Variants in FTCD observed in about 807,000 individuals in gnomAD.
FTCD encodes the protein formimidoyltransferase cyclodeaminase.
A neutral mutation model predicts 62.9 loss-of-function variants in FTCD; 76 were observed. The ratio of observed to expected loss-of-function variants is 1.21; its 90% CI spans 1.00 to 1.46. FTCD has a LOEUF of 1.46. Among genes scored for constraint, FTCD ranks in the 40% most tolerant of loss-of-function variants. The pLI is 0.00. For missense variants in FTCD, 845 were observed against 751.3 expected, an observed-to-expected ratio of 1.12 and a Z score of -1.46; for synonymous variants, 397 against 336.9, an observed-to-expected ratio of 1.18 and a Z score of -1.95.
chr21:46,148,288 T>A (rs2079194372), intron 7 of FTCD, among the ~76,000 whole-genome samples: 1 of 152,130 alleles, frequency 6.6e-6, no homozygotes, highest in South Asian at 2.1e-4. Flanking sequence ...GGAGTCGGCG[T>A]CTCTGAGGAG....
At chr21:46,136,457 T>C (rs1190228583), downstream of FTCD, 2 of 1,612,486 alleles carry the variant, frequency 1.2e-6, no homozygotes, top group African/African-American at 1.3e-5. Flanking sequence ...AGCGAGGCTA[T>C]CCTTCCAGCG....
At chr21:46,145,327 A>G (rs1601323136) in intron 10 of FTCD, 90 bp downstream of exon 10, 2 of 1,111,230 alleles carry the variant, frequency 1.8e-6, no homozygotes, top group East Asian at 2.6e-5. Context: ...GCCCCTCCCC[A>G]GCCGGAGGCT....
At chr21:46,140,077 G>A (rs1414447026) in intron 10 of FTCD, among the ~76,000 whole-genome samples, 1 of 152,080 alleles carries the variant, frequency 6.6e-6, no homozygotes, top group Non-Finnish European at 1.5e-5. Context: ...TTATGTATTT[G>A]GTGCAAGGTA....
intron 6 of FTCD, 35 bp from the exon 7 acceptor site, chr21:46,150,285 C>A (rs201502966): frequency 1.9e-6 from 3 of 1,608,654 alleles, no homozygotes; most frequent in South Asian, 2.2e-5. Context: ...CCCCTGGGGG[C>A]TGGCTGGAGA....
Position 46,145,973 on chromosome 21 carries a change from G to A in FTCD, c.969-26C>T, listed in dbSNP as rs1252628795. 11 of 1,389,678 alleles carry A rather than the reference G, an allele frequency of 7.9e-6. No individual in the cohort carries two copies. The South Asian group carries it at 1.2e-4, about 15-fold the overall frequency. 86.1% of individuals were successfully genotyped at this position (1,389,678 alleles called of 1,614,324 possible). ...CTGCAGGGTGGGCGCGGCTCAGCGG[G>A]TCTGGCCGGGGTTGGTGGGGGGAGC... On this transcript the variant is annotated intron_variant, in intron 8 of 13. Coordinates refer to ENST00000397746, the MANE Select transcript of FTCD (RefSeq NM_206965.2).
chr21:46,152,871 G>C (rs565659382), intron 3 of FTCD, 36 bp downstream of exon 3: 6 of 1,534,074 alleles, frequency 3.9e-6, no homozygotes, highest in South Asian at 1.2e-5. Context: ...CCAATGAGAC[G>C]GGAGCAGAGT....
chr21:46,146,363 G>C, intron 7 of FTCD, 36 bp from the exon 8 acceptor site: 2 of 1,442,930 alleles, frequency 1.4e-6, no homozygotes, highest in Non-Finnish European at 1.9e-6. Flanking sequence ...CGGCCTCGGC[G>C]CGTCTCCACC....
In FTCD at chr21:46,150,954, C is replaced by T. The variant is rs957251395; in HGVS notation, c.637-429G>A. 2.6e-5 allele frequency among the ~76,000 whole-genome samples: 4 copies of T among 152,370 alleles called. No homozygotes were observed. In the East Asian group the frequency reaches 7.7e-4, roughly 29 times the overall value. ...GGGGACTCTGACCTCTGCCCTTGGCCGGGGCCTAAAGCAGGACTTAGAGGT... is the reference window on the plus strand; with the variant it reads ...GGGGACTCTGACCTCTGCCCTTGGCTGGGGCCTAAAGCAGGACTTAGAGGT... On this transcript the variant is annotated intron_variant, in intron 5 of 13. Transcript: ENST00000397746.
At chr21:46,150,351 C>T (rs752395355) in intron 6 of FTCD, 37 bp downstream of exon 6, 76 of 1,610,754 alleles carry the variant, frequency 4.7e-5, no homozygotes, top group South Asian at 9.9e-5. Context: ...CAGATCGGCT[C>T]GCCCCTCACA....
Position 46,136,879 on chromosome 21 carries a change from C to T in FTCD, c.*108G>A, listed in dbSNP as rs12774. ...CGATGCCCCGCTGCCTGCCCACCTA[C>T]CCTCCGGGCCCCACACGAACAAGCT... On this transcript the variant is annotated 3_prime_UTR_variant, in exon 14 of 14. Transcript: ENST00000397746. 1,075,338 of 1,570,760 alleles carry T rather than the reference C, an allele frequency of 0.68. 374,830 individuals are homozygous for T. The highest frequency in any genetic ancestry group is 0.76 in the Admixed American group (40,625 of 53,424).
At chr21:46,136,397 G>C, downstream of FTCD, 16 of 1,597,812 alleles carry the variant, frequency 1.0e-5, no homozygotes, top group Non-Finnish European at 1.4e-5. Flanking sequence ...GACAGGGCCA[G>C]TACCGTGCTC....
At chr21:46,151,090 C>T (rs73908561) in intron 5 of FTCD, among the ~76,000 whole-genome samples, 184 of 152,298 alleles carry the variant, frequency 1.2e-3, no homozygotes, top group Non-Finnish European at 2.0e-3. Flanking sequence ...TGGTCCCCCC[C>T]GCTTTCTCCG....
intron 13 of FTCD, 46 bp downstream of exon 13, chr21:46,137,193 C>A (rs749849533): frequency 6.3e-7 from 1 of 1,581,060 alleles, no homozygotes; most frequent in East Asian, 2.2e-5. Flanking sequence ...GCTGTGAATC[C>A]AGGCCCCCAC....
At chr21:46,137,581 C>T (rs1318366388) in intron 12 of FTCD, among the ~76,000 whole-genome samples, 1 of 150,946 alleles carries the variant, frequency 6.6e-6, no homozygotes, top group East Asian at 2.0e-4. Context: ...ACTGGAGGCT[C>T]TCCGCCACTC....
At chr21:46,152,561 T>A in intron 3 of FTCD, 1 of 239,726 alleles carries the variant, frequency 4.2e-6, no homozygotes, top group Non-Finnish European at 8.1e-6. Flanking sequence ...GGGGTGGGTA[T>A]GCACTTTGTC....
chr21:46,137,435 C>G (rs1393491754), intron 12 of FTCD, 101 bp from the exon 13 acceptor site: 14 of 908,158 alleles, frequency 1.5e-5, no homozygotes, highest in African/African-American at 3.3e-5. Context: ...GGACTTCGTC[C>G]TCCTCCTCAC....
chr21:46,139,579 T>C (rs939292378), intron 10 of FTCD, among the ~76,000 whole-genome samples: 1 of 152,212 alleles, frequency 6.6e-6, no homozygotes, highest in Admixed American at 6.5e-5. Context: ...CACTTCATCT[T>C]GGAAGATTCA....
chr21:46,151,789 C>G, intron 4 of FTCD, 52 bp from the exon 5 acceptor site: 3 of 1,601,566 alleles, frequency 1.9e-6, no homozygotes, highest in Non-Finnish European at 2.6e-6. Flanking sequence ...AGGGAACAGC[C>G]CCCCGGGGTC....
chr21:46,136,734 T>G (rs1451883433), downstream of FTCD: 2 of 1,480,472 alleles, frequency 1.4e-6, no homozygotes, highest in East Asian at 5.0e-5. Context: ...GACCCGCAGC[T>G]CAGCTCTCAG....
Sources: allele counts gnomAD v4.1 joint callset (sites outside exome capture counted in the v4.1 genomes callset), GRCh38; gene constraint gnomAD v4.1.1; transcripts MANE v1.5; gene names NCBI Gene and HGNC (gene_info 2026-07-23, HGNC 2026-07-21).